Variants in GPC5 observed in about 807,000 individuals in gnomAD.
GPC5 encodes the protein glypican 5, also known as glypican-5.
Under a neutral mutation model 53.9 loss-of-function variants are expected in GPC5, and 47 were observed. The ratio of observed to expected loss-of-function variants is 0.87; its 90% CI spans 0.69 to 1.11. The LOEUF (loss-of-function observed/expected upper bound fraction) is 1.11, where lower values mean the gene tolerates loss of function less well. GPC5 is among the 50% of genes most tolerant of loss of function. GPC5 has a pLI of 0.00. For synonymous variants in GPC5, 286 were observed against 263.3 expected (o/e 1.09, Z -0.84); for missense variants, 748 against 713.1 (o/e 1.05, Z -0.56).
At chr13:92,588,532 C>T (rs546967436) in intron 7 of GPC5, among the ~76,000 whole-genome samples, 14 of 152,178 alleles carry the variant, frequency 9.2e-5, no homozygotes, top group Non-Finnish European at 1.8e-4. Flanking sequence ...TTTTGAATAG[C>T]TCTCCCTATC....
At chr13:92,766,320 C>T (rs1875403521) in intron 7 of GPC5, among the ~76,000 whole-genome samples, 1 of 145,858 alleles carries the variant, frequency 6.9e-6, no homozygotes, top group African/African-American at 2.5e-5. Flanking sequence ...GCATGTAGAT[C>T]TTTCATAAAA....
intron 7 of GPC5, among the ~76,000 whole-genome samples, chr13:92,816,463 G>A (rs1877480773): frequency 6.6e-6 from 1 of 152,052 alleles, no homozygotes; most frequent in Non-Finnish European, 1.5e-5. Context: ...TAGTTGCCTG[G>A]TGGGAAAGTT....
At position 92,767,582 on chromosome 13, in the gene GPC5, C is replaced by T. The variant is rs753884448; in HGVS notation, c.1562-98700C>T. Among the ~76,000 whole-genome samples, 5 of 152,334 alleles carry T rather than the reference C, an allele frequency of 3.3e-5. 1 individual carries two copies. Among genetic ancestry groups the T allele is most frequent in the Non-Finnish European group, 5.9e-5 (4 of 68,034 alleles). ...CAGCAAAATCTTCAAGATGTGATAACTTCACATCTCAATCCTTGTATTTCT... is the reference window on the plus strand; with the variant it reads ...CAGCAAAATCTTCAAGATGTGATAATTTCACATCTCAATCCTTGTATTTCT... On this transcript the variant is annotated intron_variant, in intron 7 of 7. Transcript: ENST00000377067.
At chr13:92,060,363 T>C (rs2138851851) in intron 6 of GPC5, among the ~76,000 whole-genome samples, 1 of 152,192 alleles carries the variant, frequency 6.6e-6, no homozygotes, top group African/African-American at 2.4e-5. Flanking sequence ...ATCCAAAAAT[T>C]ATTTCATTTA....
chr13:92,019,275 T>TATAA (rs3059954), intron 6 of GPC5, among the ~76,000 whole-genome samples: 134,227 of 151,416 alleles, frequency 0.89, 60,274 homozygotes, highest in East Asian at 1. Flanking sequence ...TAAGCATACT[T>TATAA]ATATCCATAT....
intron 2 of GPC5, among the ~76,000 whole-genome samples, chr13:91,495,259 T>G (rs904196377): frequency 3.7e-4 from 57 of 152,208 alleles, no homozygotes; most frequent in African/African-American, 1.4e-3. Flanking sequence ...TCCAAGCCAC[T>G]GTTATTAATA....
intron 6 of GPC5, among the ~76,000 whole-genome samples, chr13:92,123,765 A>T (rs2041670420): frequency 6.6e-6 from 1 of 152,202 alleles, no homozygotes; most frequent in African/African-American, 2.4e-5. Flanking sequence ...AAAATGATTA[A>T]AATTCATATT....
intron 7 of GPC5, among the ~76,000 whole-genome samples, chr13:92,755,986 CA>C (rs1566403592): frequency 1.3e-5 from 2 of 151,778 alleles, no homozygotes; most frequent in East Asian, 3.9e-4. Context: ...TTTATGAGGC[CA>C]GCATCATTCT....
At chr13:92,401,927 G>A (rs552669110) in intron 7 of GPC5, among the ~76,000 whole-genome samples, 1 of 152,240 alleles carries the variant, frequency 6.6e-6, no homozygotes, top group East Asian at 1.9e-4. Context: ...AGTTTACAAT[G>A]GCAAGCTTCC....
At chr13:92,694,530 C>T (rs1440679253) in intron 7 of GPC5, among the ~76,000 whole-genome samples, 1 of 152,174 alleles carries the variant, frequency 6.6e-6, no homozygotes, top group Admixed American at 6.5e-5. Flanking sequence ...TTAATGACTG[C>T]CTCTCTGTAT....
intron 7 of GPC5, among the ~76,000 whole-genome samples, chr13:92,640,341 G>A (rs1197373718): frequency 4.0e-5 from 6 of 151,870 alleles, no homozygotes; most frequent in Non-Finnish European, 7.4e-5. Flanking sequence ...CTCACTGCAA[G>A]CTCCACCTCC....
chr13:91,676,214 G>A (rs1304590635), intron 2 of GPC5, among the ~76,000 whole-genome samples: 1 of 152,040 alleles, frequency 6.6e-6, no homozygotes, highest in Admixed American at 6.6e-5. Context: ...GGGATTACAG[G>A]TGCCCGCCAC....
chr13:92,352,471 T>G (rs1220889511), intron 7 of GPC5, among the ~76,000 whole-genome samples: 1 of 152,188 alleles, frequency 6.6e-6, no homozygotes. Flanking sequence ...TAGAAAAGTA[T>G]TGGTGTTAAG....
chr13:91,957,331 A>G (rs768482869), intron 6 of GPC5, among the ~76,000 whole-genome samples: 36 of 152,220 alleles, frequency 2.4e-4, no homozygotes, highest in Non-Finnish European at 4.1e-4. Context: ...GTGGAACACC[A>G]TAAAGCAACC....
At position 91,717,659 on chromosome 13, in the gene GPC5, C is replaced by T. The variant is rs374793637; in HGVS notation, c.1021-10873C>T. 4.6e-5 allele frequency among the ~76,000 whole-genome samples: 7 copies of T among 152,110 alleles called. No homozygotes were observed. In the South Asian group the frequency reaches 1.0e-3, roughly 23 times the overall value. On this transcript the variant is annotated intron_variant, in intron 3 of 7. Coordinates refer to ENST00000377067, the MANE Select transcript of GPC5 (RefSeq NM_004466.6). ...GCAACCTCCACCTCCGGGATTCAAG[C>T]GATTTTCCTGTCTCAGCCTCCCGAG...
chr13:91,798,527 CT>C (rs2038083504), intron 5 of GPC5, among the ~76,000 whole-genome samples: 1 of 152,094 alleles, frequency 6.6e-6, no homozygotes, highest in African/African-American at 2.4e-5. Flanking sequence ...GATCTTGTTC[CT>C]TTTTATGGCT....
At chr13:92,485,501 A>G (rs371057737) in intron 7 of GPC5, among the ~76,000 whole-genome samples, 1 of 152,198 alleles carries the variant, frequency 6.6e-6, no homozygotes, top group South Asian at 2.1e-4. Context: ...AGTAGAAAAA[A>G]AAATCACTTT....
chr13:92,012,373 T>A (rs2040669220), intron 6 of GPC5, among the ~76,000 whole-genome samples: 1 of 152,190 alleles, frequency 6.6e-6, no homozygotes, highest in African/African-American at 2.4e-5. Flanking sequence ...AGGAAAACAT[T>A]TTTATCTCCT....
intron 7 of GPC5, among the ~76,000 whole-genome samples, chr13:92,184,839 A>G (rs2042172833): frequency 1.3e-5 from 2 of 152,296 alleles, no homozygotes; most frequent in East Asian, 1.9e-4. Flanking sequence ...AACTGCATAC[A>G]TAATTAAGGT....
Sources: allele counts gnomAD v4.1 joint callset (sites outside exome capture counted in the v4.1 genomes callset), GRCh38; gene constraint gnomAD v4.1.1; transcripts MANE v1.5; gene names NCBI Gene and HGNC (gene_info 2026-07-23, HGNC 2026-07-21).